Variants in GYPC observed in about 807,000 individuals in gnomAD.
GYPC encodes the protein glycophorin C (Gerbich blood group).
In GYPC, 14 loss-of-function variants were observed where a neutral mutation model predicts 12.6. That is an observed-to-expected ratio of 1.11 (90% CI 0.74 to 1.74). The LOEUF is 1.74. Ranked by LOEUF, GYPC falls within the 40% of genes most tolerant of loss-of-function variation. The probability of loss-of-function intolerance (pLI) is 0.00; values close to 1 mark genes in which losing one functional copy is unlikely to be tolerated. For missense variants in GYPC, 225 were observed against 172.1 expected, an observed-to-expected ratio of 1.31 and a Z score of -1.72; for synonymous variants, 78 against 62.1, an observed-to-expected ratio of 1.26 and a Z score of -1.20.
Position 126,690,280 on chromosome 2 carries a change from C to T in GYPC, c.75C>T (p.Ala25=), listed in dbSNP as rs200302327. Residue 25 remains alanine (A), a synonymous_variant, in exon 2 of 4, where the codon GCC becomes GCT. Transcript: ENST00000259254. ...SLEPDPGMAS[A]STTMHTTTIA... is the part of the protein sequence containing the mutation. Reference sequence around the variant, plus strand: ...AGCCTGATCCGGGGATGGCCTCTGCCTCCACCACAATGCATACTACCACCA... The same window carrying T: ...AGCCTGATCCGGGGATGGCCTCTGCTTCCACCACAATGCATACTACCACCA... 66 of 1,613,252 alleles carry T rather than the reference C, an allele frequency of 4.1e-5. No homozygotes were observed. The East Asian group carries it at 1.2e-3, about 29-fold the overall frequency.
intron 1 of GYPC, among the ~76,000 whole-genome samples, chr2:126,668,657 A>G (rs1682752606): frequency 6.6e-6 from 1 of 152,222 alleles, no homozygotes; most frequent in African/African-American, 2.4e-5. Flanking sequence ...TAAAAAAGAG[A>G]CTGGATACAA....
intron 1 of GYPC, 151 bp downstream of exon 1, chr2:126,656,463 C>T (rs762207497): frequency 1.5e-6 from 1 of 647,170 alleles, no homozygotes; most frequent in Non-Finnish European, 2.6e-6. Flanking sequence ...CTCAGATCCC[C>T]GACTCCAGCC....
intron 1 of GYPC, chr2:126,686,409 CCTGAGGA>C: frequency 1.0e-6 from 1 of 985,670 alleles, no homozygotes; most frequent in Non-Finnish European, 1.2e-6. Context: ...CAGCTGACAT[CCTGAGGA>C]CATAGAGAGT....
chr2:126,694,807 C>G (rs200564039), intron 3 of GYPC, among the ~76,000 whole-genome samples: 2 of 145,046 alleles, frequency 1.4e-5, no homozygotes, highest in African/African-American at 5.3e-5. Flanking sequence ...TAAGAAAAGA[C>G]AGGCTTGCTC....
intron 1 of GYPC, among the ~76,000 whole-genome samples, chr2:126,673,516 C>T (rs1682910417): frequency 6.6e-6 from 1 of 152,136 alleles, no homozygotes; most frequent in African/African-American, 2.4e-5. Flanking sequence ...GGGGTCCTAA[C>T]ACAACTTGGT....
chr2:126,663,406 C>G (rs1393416013), intron 1 of GYPC, among the ~76,000 whole-genome samples: 1 of 152,202 alleles, frequency 6.6e-6, no homozygotes, highest in East Asian at 1.9e-4. Context: ...AGGCCCTGCT[C>G]TTGGCCACGC....
chr2:126,686,585 T>C (rs1209666870), intron 1 of GYPC: 1 of 980,772 alleles, frequency 1.0e-6, no homozygotes, highest in East Asian at 1.1e-4. Context: ...AGGCACCCAG[T>C]CTAATGCTGA....
intron 1 of GYPC, among the ~76,000 whole-genome samples, chr2:126,667,101 C>G (rs1682704335): frequency 6.6e-6 from 1 of 152,224 alleles, no homozygotes; most frequent in Non-Finnish European, 1.5e-5. Context: ...CCTCTTCTGT[C>G]TGCTTGTCAC....
At chr2:126,692,939 C>G (rs1279547540) in intron 2 of GYPC, among the ~76,000 whole-genome samples, 1 of 152,174 alleles carries the variant, frequency 6.6e-6, no homozygotes, top group East Asian at 1.9e-4. Flanking sequence ...CCTTGGTGTT[C>G]TTCCTGTGAG....
chr2:126,686,390 G>C, intron 1 of GYPC: 1 of 985,706 alleles, frequency 1.0e-6, no homozygotes, highest in South Asian at 4.7e-5. Context: ...CCTTCTGCCA[G>C]AGAATGGACA....
Position 126,674,240 on chromosome 2 carries a change from G to A in GYPC, c.50-16015G>A, listed in dbSNP as rs905927458. Among the ~76,000 whole-genome samples, 4 of 152,338 alleles carry A rather than the reference G, an allele frequency of 2.6e-5. No homozygotes were observed. The East Asian group carries it at 5.8e-4, about 22-fold the overall frequency. ...CTGAGCCTCTTATCAGTCAGCTGCA[G>A]GGGTACCTGGTGGGCCTGTGCTGGG... On this transcript the variant is annotated intron_variant, in intron 1 of 3. Transcript: ENST00000259254.
At chr2:126,691,322 C>A (rs1042810588) in intron 2 of GYPC, among the ~76,000 whole-genome samples, 4 of 152,086 alleles carry the variant, frequency 2.6e-5, no homozygotes, top group Non-Finnish European at 4.4e-5. Context: ...GTGATCTGAC[C>A]CCTCCTGAGC....
chr2:126,675,382 C>T (rs1424612216), intron 1 of GYPC, among the ~76,000 whole-genome samples: 1 of 152,076 alleles, frequency 6.6e-6, no homozygotes, highest in African/African-American at 2.4e-5. Context: ...TTATTCATAA[C>T]CCTCCTACAT....
intron 3 of GYPC, among the ~76,000 whole-genome samples, chr2:126,694,328 C>G (rs1304080476): frequency 6.6e-6 from 1 of 152,040 alleles, no homozygotes; most frequent in Non-Finnish European, 1.5e-5. Context: ...GGGTCCATGA[C>G]CCTCAACCCT....
At chr2:126,688,107 G>C (rs1383636991) in intron 1 of GYPC, among the ~76,000 whole-genome samples, 1 of 152,204 alleles carries the variant, frequency 6.6e-6, no homozygotes, top group Non-Finnish European at 1.5e-5. Flanking sequence ...CAAGGTCTGA[G>C]TTAAAATACA....
chr2:126,661,366 C>G (rs1017090504), intron 1 of GYPC, among the ~76,000 whole-genome samples: 2 of 152,182 alleles, frequency 1.3e-5, no homozygotes, highest in Admixed American at 6.5e-5. Flanking sequence ...CGTCACCACC[C>G]CTCCTTCAGA....
At chr2:126,678,761 A>G (rs569809645) in intron 1 of GYPC, 1 of 152,388 alleles carries the variant, frequency 6.6e-6, no homozygotes, top group South Asian at 2.1e-4. Flanking sequence ...AAGCACGGCT[A>G]TCTGCCTTGG....
chr2:126,685,390 C>CTTT (rs111911645), intron 1 of GYPC, among the ~76,000 whole-genome samples: 17 of 145,830 alleles, frequency 1.2e-4, no homozygotes, highest in African/African-American at 3.6e-4. Flanking sequence ...TTCTTTCTTT[C>CTTT]TTTTTTTTTT....
intron 2 of GYPC, among the ~76,000 whole-genome samples, chr2:126,693,071 C>T (rs1335547087): frequency 6.6e-6 from 1 of 152,160 alleles, no homozygotes; most frequent in African/African-American, 2.4e-5. Context: ...CCTGCAAAAG[C>T]TCATGTTGAA....
Sources: gnomAD v4.1 joint callset for allele counts (sites outside exome capture counted in the v4.1 genomes callset) on GRCh38, gnomAD v4.1.1 for gene constraint, MANE v1.5 for transcripts, NCBI Gene and HGNC (gene_info 2026-07-23, HGNC 2026-07-21) for gene names.